SLCO1A2: variants seen among roughly 807,000 people sequenced by gnomAD.
SLCO1A2 encodes solute carrier organic anion transporter family member 1A2, also known as OATP-1.
SLCO1A2 carries 67 observed loss-of-function variants against 69.0 expected under a neutral mutation model. That is an observed-to-expected ratio of 0.97 (90% confidence interval 0.80 to 1.19). The LOEUF is 1.19. SLCO1A2 is among the 50% of genes most tolerant of loss of function. The pLI is 0.00. For synonymous variants in SLCO1A2, 260 were observed against 265.9 expected (o/e 0.98, Z 0.22); for missense variants, 787 against 793.7 (o/e 0.99, Z 0.10).
rs890883991 is a variant in SLCO1A2, at chr12:21,265,945, T to G, written c.*3603A>C. On this transcript the variant is annotated 3_prime_UTR_variant, in exon 15 of 15. Coordinates refer to ENST00000683939, the MANE Select transcript of SLCO1A2 (RefSeq NM_001386879.1). ...ACAACCTCTTCTACCAGGAGCTGTCTCTGATAATCACCTTGGTTCAAGGAG... is the reference window on the plus strand; with the variant it reads ...ACAACCTCTTCTACCAGGAGCTGTCGCTGATAATCACCTTGGTTCAAGGAG... 2.6e-5 allele frequency: 4 copies of G among 152,156 alleles called. No homozygotes were observed. The highest frequency in any genetic ancestry group is 4.8e-5 in the African/African-American group (2 of 41,444). 9.4% of individuals were successfully genotyped at this position (152,156 alleles called of 1,614,324 possible). A position where few individuals can be genotyped will look rare whatever the true frequency, so the allele number is the denominator to read the frequency against.
intron 8 of SLCO1A2, among the ~76,000 whole-genome samples, chr12:21,299,874 G>GTA (rs199525542): frequency 0.03 from 2,998 of 101,546 alleles, 47 homozygotes; most frequent in Admixed American, 0.054. Context: ...ATACGTGTGT[G>GTA]TATATATATA....
At chr12:21,358,203 C>T (rs1175025523) in intron 2 of SLCO1A2, among the ~76,000 whole-genome samples, 2 of 152,134 alleles carry the variant, frequency 1.3e-5, no homozygotes, top group African/African-American at 4.8e-5. Flanking sequence ...CTAGATTGTT[C>T]TCTGGCAAAG....
chr12:21,303,549 T>TA (rs1393074556), intron 6 of SLCO1A2, among the ~76,000 whole-genome samples: 1 of 152,206 alleles, frequency 6.6e-6, no homozygotes, highest in Non-Finnish European at 1.5e-5. Flanking sequence ...AAGATATGCC[T>TA]ACATACATTA....
At chr12:21,335,643 C>T (rs1221739542), upstream of SLCO1A2, among the ~76,000 whole-genome samples, 1 of 152,038 alleles carries the variant, frequency 6.6e-6, no homozygotes, top group Admixed American at 6.6e-5. Flanking sequence ...GTCCTTTAAA[C>T]AATATCCATT....
Position 21,334,773 on chromosome 12 carries a change from A to C in SLCO1A2, c.-63+54T>G, listed in dbSNP as rs569392982. On this transcript the variant is annotated intron_variant, in intron 1 of 14. Coordinates refer to ENST00000683939, the MANE Select transcript of SLCO1A2 (RefSeq NM_001386879.1). The stretch of plus-strand genomic sequence containing the variant: ...AAATTGTAAAGCATCATTCTTTTGA[A>C]GTAAGTGCTGAAAATGAACAACATA... 436 of 710,294 alleles carry C rather than the reference A, an allele frequency of 6.1e-4. No homozygotes were observed. The Middle Eastern group carries it at 0.01, about 17-fold the overall frequency. The allele number at this position is 710,294 out of a possible 1,614,324, so 44.0% of individuals were successfully genotyped here.
chr12:21,320,341 A>C (rs1185238091), intron 2 of SLCO1A2, among the ~76,000 whole-genome samples: 1 of 151,962 alleles, frequency 6.6e-6, no homozygotes, highest in African/African-American at 2.4e-5. Flanking sequence ...CTCTATCCCT[A>C]CCTTCTCTAA....
At chr12:21,288,354 T>A (rs1315601331) in intron 12 of SLCO1A2, among the ~76,000 whole-genome samples, 3 of 152,056 alleles carry the variant, frequency 2.0e-5, no homozygotes, top group Non-Finnish European at 4.4e-5. Flanking sequence ...AGCAGGAGGA[T>A]CGCTTGAGCC....
chr12:21,297,370 AGT>A, intron 9 of SLCO1A2, 32 bp downstream of exon 9: 1 of 1,572,188 alleles, frequency 6.4e-7, no homozygotes, highest in Non-Finnish European at 8.7e-7. Context: ...TGGGGGGGAA[AGT>A]GTGCTAGTAA....
At chr12:21,409,931 AT>A (rs988005778) in intron 1 of SLCO1A2, among the ~76,000 whole-genome samples, 2 of 152,032 alleles carry the variant, frequency 1.3e-5, no homozygotes, top group African/African-American at 2.4e-5. Context: ...CCTGTGCTCT[AT>A]TTTTTTGTGC....
chr12:21,378,225 C>G, intron 1 of SLCO1A2: 1 of 1,613,178 alleles, frequency 6.2e-7, no homozygotes, highest in Non-Finnish European at 8.5e-7. Flanking sequence ...CACATTTGTT[C>G]CATGTTACCA....
chr12:21,411,479 C>T (rs1045310457), intron 1 of SLCO1A2, among the ~76,000 whole-genome samples: 1 of 152,148 alleles, frequency 6.6e-6, no homozygotes, highest in Non-Finnish European at 1.5e-5. Flanking sequence ...TATCTATCCT[C>T]ACACTGTGTT....
At chr12:21,296,650 GA>G (rs573625126) in intron 9 of SLCO1A2, among the ~76,000 whole-genome samples, 216 of 151,610 alleles carry the variant, frequency 1.4e-3, no homozygotes, top group African/African-American at 5.0e-3. Flanking sequence ...CCCAATAAGT[GA>G]AAAAAAAGAA....
intron 2 of SLCO1A2, among the ~76,000 whole-genome samples, chr12:21,365,407 T>G (rs1939294131): frequency 6.6e-6 from 1 of 152,182 alleles, no homozygotes; most frequent in South Asian, 2.1e-4. Flanking sequence ...CAAGTGGGAT[T>G]AAAGACTTAA....
At chr12:21,316,918 G>A (rs1950944619) in intron 3 of SLCO1A2, among the ~76,000 whole-genome samples, 2 of 152,034 alleles carry the variant, frequency 1.3e-5, no homozygotes, top group African/African-American at 4.8e-5. Context: ...ATGACAATAT[G>A]GCTGTTGCAA....
intron 5 of SLCO1A2, among the ~76,000 whole-genome samples, chr12:21,306,245 CA>C (rs1555113792): frequency 6.6e-6 from 1 of 152,112 alleles, no homozygotes; most frequent in Non-Finnish European, 1.5e-5. Context: ...TCATATACAC[CA>C]AATCATCAGC....
chr12:21,330,438 G>C (rs527443957), intron 2 of SLCO1A2, among the ~76,000 whole-genome samples: 90 of 152,238 alleles, frequency 5.9e-4, no homozygotes, highest in Middle Eastern at 3.4e-3. Flanking sequence ...GAGCCTGGGA[G>C]GTTGAGGGTG....
intron 2 of SLCO1A2, among the ~76,000 whole-genome samples, chr12:21,345,205 G>A (rs751193423): frequency 2.0e-5 from 3 of 151,822 alleles, no homozygotes; most frequent in Non-Finnish European, 2.9e-5. Flanking sequence ...CGTTTATGGT[G>A]CAAATTCAGT....
chr12:21,352,209 C>G (rs1361116535), intron 2 of SLCO1A2, among the ~76,000 whole-genome samples: 1 of 152,152 alleles, frequency 6.6e-6, no homozygotes, highest in African/African-American at 2.4e-5. Flanking sequence ...TACAGACCAA[C>G]ATCCCCTAAA....
chr12:21,337,599 C>T (rs1291842309), upstream of SLCO1A2, among the ~76,000 whole-genome samples: 1 of 151,940 alleles, frequency 6.6e-6, no homozygotes, highest in East Asian at 1.9e-4. Context: ...TGAAATGGCT[C>T]CTAGCTCTGT....
Sources: allele counts gnomAD v4.1 joint callset (sites outside exome capture counted in the v4.1 genomes callset), GRCh38; gene constraint gnomAD v4.1.1; transcripts MANE v1.5; gene names NCBI Gene and HGNC (gene_info 2026-07-23, HGNC 2026-07-21).